Variants in MED13L observed in about 807,000 individuals in gnomAD.
The protein encoded by MED13L is mediator of RNA polymerase II transcription subunit 13-like.
MED13L carries 7 observed loss-of-function variants against 220.9 expected under a neutral mutation model. The ratio of observed to expected loss-of-function variants is 0.03; its 90% CI spans 0.02 to 0.06. The LOEUF (loss-of-function observed/expected upper bound fraction) is 0.06, where lower values mean the gene tolerates loss of function less well. Ranked by LOEUF, MED13L falls within the 10% of genes least tolerant of loss-of-function variation. The pLI is 1.00. For missense variants in MED13L, 1,965 were observed against 2,760.5 expected, an observed-to-expected ratio of 0.71 and a Z score of 6.46; for synonymous variants, 1,011 against 1,015.2, an observed-to-expected ratio of 1.00 and a Z score of 0.08.
intron 1 of MED13L, among the ~76,000 whole-genome samples, chr12:116,249,974 T>A (rs1593209281): frequency 1.1e-5 from 1 of 93,696 alleles, no homozygotes; most frequent in Admixed American, 1.3e-4. Flanking sequence ...TTTCATGAAA[T>A]CAATAAACCT....
chr12:116,092,588 G>A (rs1037865660), intron 4 of MED13L, among the ~76,000 whole-genome samples: 1 of 152,114 alleles, frequency 6.6e-6, no homozygotes, highest in African/African-American at 2.4e-5. Context: ...AGTTAATAAT[G>A]TATTGTTACA....
At chr12:116,110,459 A>G (rs1033292267) in intron 3 of MED13L, among the ~76,000 whole-genome samples, 1 of 152,152 alleles carries the variant, frequency 6.6e-6, no homozygotes, top group African/African-American at 2.4e-5. Context: ...AAGTAGAAAG[A>G]ATGGTGGCAT....
chr12:116,238,751 G>C (rs1870333776), intron 1 of MED13L, among the ~76,000 whole-genome samples: 1 of 152,106 alleles, frequency 6.6e-6, no homozygotes, highest in Non-Finnish European at 1.5e-5. Context: ...TCACTATAAT[G>C]ACCACATTTA....
At chr12:115,981,029 C>G in intron 22 of MED13L, 91 bp from the exon 23 acceptor site, 1 of 1,077,248 alleles carries the variant, frequency 9.3e-7, no homozygotes, top group South Asian at 1.4e-5. Context: ...AAGGAAACGG[C>G]ATGAATTCCT....
chr12:116,226,059 CTTT>C (rs35656992), intron 2 of MED13L, among the ~76,000 whole-genome samples: 49 of 137,922 alleles, frequency 3.6e-4, no homozygotes, highest in Admixed American at 5.1e-4. Context: ...TAATTTTTAT[CTTT>C]TTTTTTTTTT....
In MED13L at chr12:116,053,635, G is replaced by C. The variant is rs533712932; in HGVS notation, c.480-31034C>G. 5.9e-5 allele frequency among the ~76,000 whole-genome samples: 9 copies of C among 152,264 alleles called. No individual in the cohort carries two copies. The East Asian group carries it at 1.7e-3, about 29-fold the overall frequency. ...ATTACCCCTACTTTGAAGCAGAAGG[G>C]AGGAAGGGGAGGGAGCTAAAGTCAC... On this transcript the variant is annotated intron_variant, in intron 4 of 30. Transcript: ENST00000281928.
chr12:116,232,948 G>A (rs1311911970), intron 2 of MED13L, among the ~76,000 whole-genome samples: 1 of 152,024 alleles, frequency 6.6e-6, no homozygotes, highest in Non-Finnish European at 1.5e-5. Flanking sequence ...TTGGCCAGGT[G>A]TGGTGGCATA....
Position 116,012,901 on chromosome 12 carries a change from C to T in MED13L, c.1176G>A (p.Lys392=). Residue 392 remains lysine (K), a splice_region_variant and synonymous_variant, in exon 9 of 31, where the codon AAG becomes AAA. Transcript: ENST00000281928. The part of the protein sequence containing the change: ...KECILNRTQS[K]RSQMSTPTLE... ...GAGTTGGAGTTGACATTTGGCTCCT[C>T]CTAAAAGGGTTAAAAATGTGACTTA... The T allele has an allele frequency of 6.2e-7, 1 of 1,607,744 alleles. No homozygotes were observed. The highest frequency in any genetic ancestry group is 8.5e-7 in the Non-Finnish European group (1 of 1,174,280).
At position 116,138,251 on chromosome 12, in the gene MED13L, C is replaced by T. The variant is rs533524177; in HGVS notation, c.311-26739G>A. Among the ~76,000 whole-genome samples, 31 of 152,210 alleles carry T rather than the reference C, an allele frequency of 2.0e-4. 1 individual carries two copies. The South Asian group carries it at 5.8e-3, about 28-fold the overall frequency. The stretch of plus-strand genomic sequence containing the variant: ...ACAAAATAAATTTTATAAAACATAG[C>T]CCTATTGTTTAGGTATTTAAAGCCT... On this transcript the variant is annotated intron_variant, in intron 2 of 30. Transcript: ENST00000281928.
intron 2 of MED13L, among the ~76,000 whole-genome samples, chr12:116,201,516 C>T (rs1167073143): frequency 6.6e-6 from 1 of 151,894 alleles, no homozygotes; most frequent in African/African-American, 2.4e-5. Flanking sequence ...AAATATTCAA[C>T]AAATCTATAA....
intron 1 of MED13L, among the ~76,000 whole-genome samples, chr12:116,258,755 G>A (rs796219150): frequency 1.7e-4 from 25 of 145,124 alleles, no homozygotes; most frequent in African/African-American, 4.9e-4. Flanking sequence ...CGGCCTGGGC[G>A]ACAGAGTGAG....
chr12:116,034,135 C>T (rs1047454061), intron 4 of MED13L, among the ~76,000 whole-genome samples: 3 of 152,080 alleles, frequency 2.0e-5, no homozygotes, highest in Admixed American at 6.5e-5. Context: ...CTAAAATGCT[C>T]CTACACATCT....
intron 11 of MED13L, chr12:116,006,785 A>C: frequency 4.0e-6 from 1 of 249,316 alleles, no homozygotes; most frequent in Non-Finnish European, 7.8e-6. Flanking sequence ...AACAATCTAA[A>C]AAGCATTCCC....
At chr12:116,085,737 GAGA>G (rs1253752508) in intron 4 of MED13L, among the ~76,000 whole-genome samples, 1 of 132,700 alleles carries the variant, frequency 7.5e-6, no homozygotes, top group Non-Finnish European at 1.6e-5. Context: ...CTAAATTCAA[GAGA>G]AGATTAAAAT....
At chr12:116,082,333 A>T (rs1347418653) in intron 4 of MED13L, among the ~76,000 whole-genome samples, 2 of 152,218 alleles carry the variant, frequency 1.3e-5, no homozygotes, top group Non-Finnish European at 2.9e-5. Context: ...GCAAAGTAAA[A>T]AGCAAATGAG....
chr12:116,222,818 C>A (rs956474562), intron 2 of MED13L, among the ~76,000 whole-genome samples: 9 of 152,200 alleles, frequency 5.9e-5, no homozygotes, highest in African/African-American at 2.2e-4. Context: ...AAAGGAGATG[C>A]AACCCAAAGG....
At chr12:116,027,869 C>T (rs1880498060) in intron 4 of MED13L, among the ~76,000 whole-genome samples, 1 of 152,198 alleles carries the variant, frequency 6.6e-6, no homozygotes, top group Admixed American at 6.5e-5. Flanking sequence ...TGAGTTGTCA[C>T]TCACTCATTC....
chr12:115,984,413 T>G (rs776871220), intron 19 of MED13L, 41 bp from the exon 20 acceptor site: 1 of 1,602,338 alleles, frequency 6.2e-7, no homozygotes. Flanking sequence ...ACAGGAGCCA[T>G]TCCTTCATTC....
chr12:116,091,540 T>TATTA (rs1872212432), intron 4 of MED13L, among the ~76,000 whole-genome samples: 1 of 152,238 alleles, frequency 6.6e-6, no homozygotes, highest in Non-Finnish European at 1.5e-5. Flanking sequence ...TAGCTACCAC[T>TATTA]ATTAAGCTTT....
Sources: gnomAD v4.1 joint callset for allele counts (sites outside exome capture counted in the v4.1 genomes callset) on GRCh38, gnomAD v4.1.1 for gene constraint, MANE v1.5 for transcripts, NCBI Gene and HGNC (gene_info 2026-07-23, HGNC 2026-07-21) for gene names.